Variants in CHRNA7 observed in about 807,000 individuals in gnomAD.
The protein encoded by CHRNA7 is neuronal acetylcholine receptor subunit alpha-7.
Under a neutral mutation model 48.0 loss-of-function variants are expected in CHRNA7, and 17 were observed. The ratio of observed to expected loss-of-function variants is 0.35; its 90% CI spans 0.24 to 0.53. The LOEUF is 0.53. Among genes scored for constraint, CHRNA7 ranks in the 20% least tolerant of loss-of-function variants. CHRNA7 has a pLI of 0.92. For synonymous variants in CHRNA7, 75 were observed against 242.3 expected (o/e 0.31, Z 6.41); for missense variants, 155 against 577.7 (o/e 0.27, Z 7.50).
intron 2 of CHRNA7, among the ~76,000 whole-genome samples, chr15:32,097,461 C>A (rs370166989): frequency 1.3e-5 from 2 of 152,106 alleles, no homozygotes; most frequent in Admixed American, 6.5e-5. Flanking sequence ...CCCCTTCCAC[C>A]ATGCGAGGAC....
intron 2 of CHRNA7, among the ~76,000 whole-genome samples, chr15:32,062,013 G>C (rs150822002): frequency 6.6e-6 from 1 of 152,046 alleles, no homozygotes; most frequent in Non-Finnish European, 1.5e-5. Flanking sequence ...TATAACTCTT[G>C]CCCATAGTTT....
At chr15:32,050,594 T>A (rs2049650513) in intron 2 of CHRNA7, among the ~76,000 whole-genome samples, 1 of 152,206 alleles carries the variant, frequency 6.6e-6, no homozygotes, top group Non-Finnish European at 1.5e-5. Context: ...GGTTTGAATT[T>A]CCTCCTGTAG....
At position 32,030,524 on chromosome 15, in the gene CHRNA7, G is replaced by GCC; in HGVS notation, c.-70_-69dup. ...AGCCGAGCGGCGAGGTGCCTCTGTG[G>GCC]CCGCAGGCGCAGGCCCGGGCGACAG... On this transcript the variant is annotated 5_prime_UTR_variant, in exon 1 of 10. Coordinates refer to ENST00000306901, the MANE Select transcript of CHRNA7 (RefSeq NM_000746.6). The GCC allele has an allele frequency of 7.4e-7, 1 of 1,344,510 alleles. No individual in the cohort carries two copies. The highest frequency in any genetic ancestry group is 3.1e-5 in the East Asian group (1 of 31,936). 83.3% of individuals were successfully genotyped at this position (1,344,510 alleles called of 1,614,324 possible). A position where few individuals can be genotyped will look rare whatever the true frequency, so the allele number is the denominator to read the frequency against.
intron 4 of CHRNA7, among the ~76,000 whole-genome samples, chr15:32,116,093 T>C (rs972991996): frequency 2.0e-5 from 3 of 152,226 alleles, no homozygotes; most frequent in Non-Finnish European, 4.4e-5. Context: ...CTTAGTAGAC[T>C]CATCTGTTAG....
intron 2 of CHRNA7, among the ~76,000 whole-genome samples, chr15:32,041,622 G>T (rs765393402): frequency 3.3e-5 from 5 of 152,102 alleles, no homozygotes; most frequent in African/African-American, 4.8e-5. Flanking sequence ...TCTCCTTCTC[G>T]CATTCCCATC....
rs1555383297 is a variant in CHRNA7, at chr15:32,111,706, G to A, written c.241-84G>A. On this transcript the variant is annotated intron_variant, in intron 3 of 9. Coordinates refer to ENST00000306901, the MANE Select transcript of CHRNA7 (RefSeq NM_000746.6). ...TAATAAATGTCTGGAATTCTCTTTG[G>A]TTTTGCACTTACCTAATAATCGCTT... is the stretch of plus-strand genomic sequence containing the variant. The A allele has an allele frequency of 9.0e-5, 68 of 757,094 alleles. No homozygotes were observed. In the South Asian group the frequency reaches 1.1e-3, roughly 13 times the overall value. 46.9% of individuals were successfully genotyped at this position (757,094 alleles called of 1,614,324 possible). A position where few individuals can be genotyped will look rare whatever the true frequency, so the allele number is the denominator to read the frequency against.
At chr15:32,063,520 T>A (rs1158500517) in intron 2 of CHRNA7, among the ~76,000 whole-genome samples, 1 of 152,230 alleles carries the variant, frequency 6.6e-6, no homozygotes, top group Non-Finnish European at 1.5e-5. Context: ...TCTTCATACA[T>A]TGATGTGTTC....
At chr15:32,101,429 G>T in intron 3 of CHRNA7, 82 bp downstream of exon 3, 1 of 1,440,142 alleles carries the variant, frequency 6.9e-7, no homozygotes, top group Non-Finnish European at 9.4e-7. Context: ...TGAGATGCTT[G>T]CTTCTGAGAG....
chr15:32,030,679 C>T lies in CHRNA7; in HGVS notation c.55+30C>T, dbSNP rs200377732. 637 of 1,561,806 alleles carry T rather than the reference C, an allele frequency of 4.1e-4. 3 individuals carry two copies. The East Asian group carries it at 0.015, about 36-fold the overall frequency. On this transcript the variant is annotated intron_variant, in intron 1 of 9. Coordinates refer to ENST00000306901, the MANE Select transcript of CHRNA7 (RefSeq NM_000746.6). ...AGCCACTGCCTCCCCGCCCTCCACT[C>T]CTCCGTGGGATCCCGGGCACATCCC...
In CHRNA7 at chr15:32,030,525, C is replaced by A; in HGVS notation, c.-70C>A. On this transcript the variant is annotated 5_prime_UTR_variant, in exon 1 of 10. Transcript: ENST00000306901. ...GCCGAGCGGCGAGGTGCCTCTGTGG[C>A]CGCAGGCGCAGGCCCGGGCGACAGC... 6.7e-6 allele frequency: 9 copies of A among 1,345,982 alleles called. No individual in the cohort carries two copies. The highest frequency in any genetic ancestry group is 1.9e-5 in the South Asian group (1 of 53,336). 83.4% of individuals were successfully genotyped at this position (1,345,982 alleles called of 1,614,324 possible).
In CHRNA7 at chr15:32,030,553, A is replaced by G; in HGVS notation, c.-42A>G. The G allele has an allele frequency of 6.9e-7, 1 of 1,446,648 alleles. No individual in the cohort carries two copies. Among genetic ancestry groups the G allele is most frequent in the Non-Finnish European group, 9.0e-7 (1 of 1,105,492 alleles). 89.6% of individuals were successfully genotyped at this position (1,446,648 alleles called of 1,614,324 possible). On this transcript the variant is annotated 5_prime_UTR_variant, in exon 1 of 10. Coordinates refer to ENST00000306901, the MANE Select transcript of CHRNA7 (RefSeq NM_000746.6). ...CAGGCGCAGGCCCGGGCGACAGCCG[A>G]GACGTGGAGCGCGCCGGCTCGCTGC...
At chr15:32,059,944 C>CAAAAAAAAAA (rs34200550) in intron 2 of CHRNA7, among the ~76,000 whole-genome samples, 13 of 33,054 alleles carry the variant, frequency 3.9e-4, no homozygotes, top group Non-Finnish European at 4.4e-4. Flanking sequence ...AGTAGAAAAG[C>CAAAAAAAAAA]AAAAAAAAAA....
At chr15:32,110,324 C>T (rs1028072972) in intron 3 of CHRNA7, among the ~76,000 whole-genome samples, 1 of 152,198 alleles carries the variant, frequency 6.6e-6, no homozygotes, top group African/African-American at 2.4e-5. Context: ...ACAAGACCCA[C>T]CATTCCTGGG....
chr15:32,038,560 G>C (rs1230426939), intron 2 of CHRNA7, among the ~76,000 whole-genome samples: 3 of 152,106 alleles, frequency 2.0e-5, no homozygotes, highest in African/African-American at 7.2e-5. Context: ...GTTGAGACGG[G>C]GTTTCACTAT....
intron 2 of CHRNA7, among the ~76,000 whole-genome samples, chr15:32,055,761 C>T (rs1162527396): frequency 1.3e-5 from 2 of 152,056 alleles, no homozygotes; most frequent in Middle Eastern, 3.2e-3. Context: ...GGGCGGATCA[C>T]GAGGTCAGGA....
At chr15:32,082,636 G>A (rs1158211232) in intron 2 of CHRNA7, among the ~76,000 whole-genome samples, 2 of 151,970 alleles carry the variant, frequency 1.3e-5, no homozygotes, top group African/African-American at 2.4e-5. Flanking sequence ...TCTTTCCACT[G>A]TATATCTTAT....
chr15:32,152,333 C>G (rs542443111), intron 4 of CHRNA7, among the ~76,000 whole-genome samples: 1 of 152,164 alleles, frequency 6.6e-6, no homozygotes, highest in Non-Finnish European at 1.5e-5. Context: ...ATCCCAGCTA[C>G]TCAGGAGGCT....
chr15:32,054,161 G>A (rs1434004054), intron 2 of CHRNA7, among the ~76,000 whole-genome samples: 1 of 152,194 alleles, frequency 6.6e-6, no homozygotes, highest in Non-Finnish European at 1.5e-5. Flanking sequence ...ATTGTTAAAT[G>A]AGTTTATAAT....
intron 4 of CHRNA7, among the ~76,000 whole-genome samples, chr15:32,114,397 C>G (rs770813026): frequency 2.9e-4 from 44 of 152,056 alleles, no homozygotes; most frequent in Non-Finnish European, 4.4e-4. Flanking sequence ...GAAATGATCC[C>G]CACCTCCACA....
Sources: gnomAD v4.1 joint callset for allele counts (sites outside exome capture counted in the v4.1 genomes callset) on GRCh38, gnomAD v4.1.1 for gene constraint, MANE v1.5 for transcripts, NCBI Gene and HGNC (gene_info 2026-07-23, HGNC 2026-07-21) for gene names.